The following TMEM132D variants were observed in gnomAD, a reference collection of about 807,000 sequenced individuals.
TMEM132D encodes the protein transmembrane protein 132D.
A neutral mutation model predicts 62.3 loss-of-function variants in TMEM132D; 21 were observed. That is an observed-to-expected ratio of 0.34 (90% CI 0.24 to 0.49). The LOEUF is 0.49. Ranked by LOEUF, TMEM132D falls within the 20% of genes least tolerant of loss-of-function variation. The pLI is 0.99. For synonymous variants in TMEM132D, 621 were observed against 575.6 expected (o/e 1.08, Z -1.13); for missense variants, 1,346 against 1,402.8 (o/e 0.96, Z 0.65).
chr12:129,093,857 C>T (rs78697495), intron 5 of TMEM132D, among the ~76,000 whole-genome samples: 1 of 81,086 alleles, frequency 1.2e-5, no homozygotes, highest in Non-Finnish European at 2.2e-5. Flanking sequence ...TGGAACAGAA[C>T]AGAGCCCTCA....
chr12:129,331,039 G>A (rs992126252), intron 4 of TMEM132D, among the ~76,000 whole-genome samples: 1 of 152,030 alleles, frequency 6.6e-6, no homozygotes, highest in African/African-American at 2.4e-5. Context: ...AGGAAAACAT[G>A]GGTGCACAGA....
At chr12:129,315,161 C>T (rs192702433) in intron 4 of TMEM132D, among the ~76,000 whole-genome samples, 118 of 152,188 alleles carry the variant, frequency 7.8e-4, no homozygotes, top group Non-Finnish European at 1.4e-3. Context: ...ATTGCTCTGG[C>T]CAGGATTTGC....
At chr12:129,089,935 TA>T (rs1275910905) in intron 5 of TMEM132D, among the ~76,000 whole-genome samples, 1 of 152,236 alleles carries the variant, frequency 6.6e-6, no homozygotes, top group East Asian at 1.9e-4. Context: ...TCTGCCTTTT[TA>T]GAGGATAAAA....
intron 1 of TMEM132D, among the ~76,000 whole-genome samples, chr12:129,864,159 GC>G (rs577382983): frequency 2.8e-4 from 43 of 152,296 alleles, no homozygotes; most frequent in African/African-American, 1.0e-3. Context: ...GACTCAAGCA[GC>G]CCCGCAGAGT....
chr12:129,329,116 T>C (rs2135649784), intron 4 of TMEM132D, among the ~76,000 whole-genome samples: 1 of 152,086 alleles, frequency 6.6e-6, no homozygotes, highest in African/African-American at 2.4e-5. Context: ...TGATGGGGTC[T>C]CTAGAACCCA....
intron 2 of TMEM132D, among the ~76,000 whole-genome samples, chr12:129,643,431 GGCTGCGTTCTCT>G (rs1391785498): frequency 1.3e-5 from 2 of 152,112 alleles, no homozygotes; most frequent in Non-Finnish European, 2.9e-5. Context: ...TATGTTCTCT[GGCTGCGTTCTCT>G]GCACAACAGC....
chr12:129,643,584 C>G (rs1879695574), intron 2 of TMEM132D, among the ~76,000 whole-genome samples: 1 of 152,176 alleles, frequency 6.6e-6, no homozygotes, highest in African/African-American at 2.4e-5. Context: ...GAAAATCAAT[C>G]TTGGGGCCCC....
chr12:129,494,960 A>T (rs1874906326), intron 3 of TMEM132D, among the ~76,000 whole-genome samples: 1 of 152,170 alleles, frequency 6.6e-6, no homozygotes, highest in Non-Finnish European at 1.5e-5. Context: ...AACACATCTC[A>T]GCTGAGCAAA....
chr12:129,202,568 G>A (rs1034921198), intron 5 of TMEM132D, among the ~76,000 whole-genome samples: 2 of 152,144 alleles, frequency 1.3e-5, no homozygotes, highest in Admixed American at 6.5e-5. Flanking sequence ...TTTCTCAAGA[G>A]TTCCTGCCCA....
intron 4 of TMEM132D, among the ~76,000 whole-genome samples, chr12:129,271,527 A>C (rs532107655): frequency 4.6e-5 from 7 of 151,730 alleles, no homozygotes; most frequent in African/African-American, 1.7e-4. Context: ...CTCCACATGC[A>C]TTAGGTATTT....
At chr12:129,525,210 C>A (rs1216426916) in intron 3 of TMEM132D, among the ~76,000 whole-genome samples, 2 of 137,828 alleles carry the variant, frequency 1.5e-5, no homozygotes, top group African/African-American at 5.4e-5. Context: ...CGGGTATGAG[C>A]CACGGTGCCC....
intron 3 of TMEM132D, among the ~76,000 whole-genome samples, chr12:129,513,957 C>T (rs1593045804): frequency 6.6e-6 from 1 of 151,502 alleles, no homozygotes; most frequent in Non-Finnish European, 1.5e-5. Context: ...CCTGCCTCAG[C>T]CTCCCGAGTA....
At chr12:129,826,853 GA>G in intron 1 of TMEM132D, among the ~76,000 whole-genome samples, 1 of 151,966 alleles carries the variant, frequency 6.6e-6, no homozygotes, top group Non-Finnish European at 1.5e-5. Flanking sequence ...CAAGGATGGA[GA>G]AAAAAAGTAC....
chr12:129,489,270 C>A (rs1417525756), intron 3 of TMEM132D, among the ~76,000 whole-genome samples: 2 of 152,180 alleles, frequency 1.3e-5, no homozygotes, highest in African/African-American at 4.8e-5. Context: ...TCATTCTCCA[C>A]CCTGGGCTCA....
intron 4 of TMEM132D, among the ~76,000 whole-genome samples, chr12:129,300,998 C>A (rs1365335520): frequency 6.6e-6 from 1 of 152,174 alleles, no homozygotes; most frequent in East Asian, 1.9e-4. Context: ...TACATACATA[C>A]AAATGATCGA....
At chr12:129,188,490 G>C (rs1383839648) in intron 5 of TMEM132D, among the ~76,000 whole-genome samples, 1 of 152,176 alleles carries the variant, frequency 6.6e-6, no homozygotes, top group Non-Finnish European at 1.5e-5. Flanking sequence ...TATTGTGACA[G>C]ATACCAGATA....
intron 5 of TMEM132D, among the ~76,000 whole-genome samples, chr12:129,086,208 G>A (rs1347729865): frequency 1.3e-5 from 2 of 151,740 alleles, no homozygotes; most frequent in African/African-American, 4.8e-5. Flanking sequence ...GCGCGTGTGT[G>A]TGTGTGTGTG....
intron 3 of TMEM132D, among the ~76,000 whole-genome samples, chr12:129,526,782 T>C (rs1162683040): frequency 6.6e-6 from 1 of 152,210 alleles, no homozygotes; most frequent in African/African-American, 2.4e-5. Flanking sequence ...GAAGACCCTT[T>C]TCTGTCTTTT....
intron 2 of TMEM132D, among the ~76,000 whole-genome samples, chr12:129,650,836 T>A (rs1879909849): frequency 6.6e-6 from 1 of 152,224 alleles, no homozygotes; most frequent in Non-Finnish European, 1.5e-5. Flanking sequence ...ATAGACCAGG[T>A]GATGGTAACT....
Sources: allele counts gnomAD v4.1 joint callset (sites outside exome capture counted in the v4.1 genomes callset), GRCh38; gene constraint gnomAD v4.1.1; transcripts MANE v1.5; gene names NCBI Gene and HGNC (gene_info 2026-07-23, HGNC 2026-07-21).